Variants in RSL1D1 observed in about 807,000 individuals in gnomAD.
RSL1D1 encodes ribosomal L1 domain containing 1.
RSL1D1 carries 34 observed loss-of-function variants against 44.6 expected under a neutral mutation model. The observed-to-expected ratio is 0.76, with a 90% CI of 0.58 to 1.02. The LOEUF is 1.02. Among genes scored for constraint, RSL1D1 ranks in the 50% least tolerant of loss-of-function variants. The probability of loss-of-function intolerance (pLI) is 0.00; values close to 1 mark genes in which losing one functional copy is unlikely to be tolerated. For synonymous variants in RSL1D1, 271 were observed against 207.4 expected (o/e 1.31, Z -2.63); for missense variants, 767 against 568.1 (o/e 1.35, Z -3.56).
At chr16:11,842,183 T>A (rs908422024) in intron 5 of RSL1D1, among the ~76,000 whole-genome samples, 183 bp from the exon 6 acceptor site, 4 of 152,042 alleles carry the variant, frequency 2.6e-5, no homozygotes, top group African/African-American at 9.7e-5. Context: ...AAAAATTAAC[T>A]GGGCATGGTG....
chr16:11,837,897 G>C lies in RSL1D1; in HGVS notation c.1363C>G (p.Pro455Ala). The C allele has an allele frequency of 1.2e-6, 2 of 1,613,988 alleles. No individual in the cohort carries two copies. The highest frequency in any genetic ancestry group is 1.7e-5 in the Admixed American group (1 of 59,976). Reference sequence around the variant, plus strand: ...AAAAACTTGGCCTCTGGCTTTTTTGGAGTCTGTCTCGCATCTTTTTTCCCC... The same window carrying C: ...AAAAACTTGGCCTCTGGCTTTTTTGCAGTCTGTCTCGCATCTTTTTTCCCC... ...SLGKKDARQTPKKPEAKFFTT... is the reference protein window; with the variant it reads ...SLGKKDARQTAKKPEAKFFTT... Residue 455 changes from proline to alanine, a missense_variant, in exon 9 of 9, where the codon CCA becomes GCA. Physicochemically the swap from Pro to Ala is conservative, Grantham distance 27. Transcript: ENST00000571133.
In RSL1D1 at chr16:11,837,956, T is replaced by G. The variant is rs759239307; in HGVS notation, c.1304A>C (p.Lys435Thr). Residue 435 changes from lysine (K) to threonine (T), a missense_variant, in exon 9 of 9, where the codon AAA (lysine) becomes ACA (threonine). By Grantham distance (78) the Lys-to-Thr change is moderately conservative. Coordinates refer to ENST00000571133, the MANE Select transcript of RSL1D1 (RefSeq NM_015659.3). ...GKSPEKKPKI[K>T]EEAVKEKSPS... ...ACTTTTTTCCTTCACTGCCTCTTCT[T>G]TGATTTTTGGCTTCTTCTCTGGGCT... 2.5e-6 allele frequency: 4 copies of G among 1,614,114 alleles called. No homozygotes were observed. The South Asian group carries it at 4.4e-5, about 18-fold the overall frequency.
chr16:11,843,166 C>T (rs1478683563), intron 5 of RSL1D1, among the ~76,000 whole-genome samples: 1 of 151,134 alleles, frequency 6.6e-6, no homozygotes, highest in East Asian at 2.0e-4. Flanking sequence ...AACTCCCGAC[C>T]TCAGGTGATC....
intron 5 of RSL1D1, among the ~76,000 whole-genome samples, chr16:11,844,789 C>A (rs35404320): frequency 6.6e-6 from 1 of 152,322 alleles, no homozygotes; most frequent in East Asian, 1.9e-4. Flanking sequence ...ATCTCCACAC[C>A]GCAGTCAGCA....
At chr16:11,846,903 T>A in intron 3 of RSL1D1, 60 bp from the exon 4 acceptor site, 1 of 1,427,790 alleles carries the variant, frequency 7.0e-7, no homozygotes, top group East Asian at 2.3e-5. Flanking sequence ...GGAGAAGAAA[T>A]ACTTAGGCAA....
chr16:11,834,266 A>G lies in RSL1D1; in HGVS notation c.*3521T>C, dbSNP rs369574000. 1.3e-5 allele frequency: 2 copies of G among 152,226 alleles called. No homozygotes were observed. The highest frequency in any genetic ancestry group is 1.3e-4 in the Admixed American group (2 of 15,270). The allele number at this position is 152,226 out of a possible 1,614,324, so 9.4% of individuals were successfully genotyped here. ...TAAAAGCGATACATAATCAGTACAA[A>G]CCATATACATACCACCATTTTTCAG... On this transcript the variant is annotated 3_prime_UTR_variant, in exon 9 of 9. Coordinates refer to ENST00000571133, the MANE Select transcript of RSL1D1 (RefSeq NM_015659.3).
At chr16:11,849,275 T>A (rs2053819381) in intron 2 of RSL1D1, 2 of 151,828 alleles carry the variant, frequency 1.3e-5, no homozygotes, top group African/African-American at 2.4e-5. Context: ...CCCAGCTACT[T>A]GGAAGGCTGA....
At position 11,839,242 on chromosome 16, in the gene RSL1D1, T is replaced by G. The variant is rs567381462; in HGVS notation, c.1146+453A>C. Among the ~76,000 whole-genome samples, 6 of 152,140 alleles carry G rather than the reference T, an allele frequency of 3.9e-5. No individual in the cohort carries two copies. In the South Asian group the frequency reaches 8.3e-4, roughly 21 times the overall value. On this transcript the variant is annotated intron_variant, in intron 8 of 8. Transcript: ENST00000571133. ...TTAGCTGGGCATGGTAGTGCGCGCC[T>G]GTAATCCCAGCTACTCGGGAGGCTG...
chr16:11,849,388 TA>T (rs201222878), intron 2 of RSL1D1: 9,154 of 132,414 alleles, frequency 0.069, 334 homozygotes, highest in South Asian at 0.17. Context: ...TCTCGTCTCT[TA>T]AAAAAAAAAA....
chr16:11,846,641 T>C, intron 4 of RSL1D1, 39 bp from the exon 5 acceptor site: 2 of 1,608,280 alleles, frequency 1.2e-6, no homozygotes, highest in East Asian at 2.2e-5. Context: ...ACACAATGCA[T>C]ACACACCTAG....
intron 8 of RSL1D1, 83 bp from the exon 9 acceptor site, chr16:11,838,196 T>C (rs1404137277): frequency 5.2e-6 from 6 of 1,164,268 alleles, no homozygotes; most frequent in Non-Finnish European, 6.0e-6. Context: ...TTTTTATTTG[T>C]ATTTATTTAT....
At chr16:11,850,524 T>G in intron 1 of RSL1D1, 106 bp from the exon 2 acceptor site, 3 of 1,154,892 alleles carry the variant, frequency 2.6e-6, no homozygotes, top group Non-Finnish European at 3.6e-6. Flanking sequence ...TCCCACACCT[T>G]CTATTTTTTC....
chr16:11,842,332 AAAAAAAAACAAAAC>A (rs1807269406), intron 5 of RSL1D1, among the ~76,000 whole-genome samples: 1 of 151,720 alleles, frequency 6.6e-6, no homozygotes, highest in African/African-American at 2.4e-5. Flanking sequence ...CACAGTCTGA[AAAAAAAAACAAAAC>A]AAAAAAACAA....
rs528613101 is a variant in RSL1D1 at position 11,837,592 on chromosome 16, C to T, written c.*195G>A. ...TCTCGATCTCGTTGACCTTGTGATC[C>T]GCCTGCCTCGGCCTCCCAAAGTGCT... On this transcript the variant is annotated 3_prime_UTR_variant, in exon 9 of 9. Transcript: ENST00000571133. The T allele has an allele frequency of 2.0e-4, 106 of 530,764 alleles. No homozygotes were observed. The highest frequency in any genetic ancestry group is 1.3e-3 in the African/African-American group (68 of 51,990). The allele number at this position is 530,764 out of a possible 1,614,324, so 32.9% of individuals were successfully genotyped here.
At chr16:11,846,881 G>T (rs757625092) in intron 3 of RSL1D1, 38 bp from the exon 4 acceptor site, 1 of 1,530,850 alleles carries the variant, frequency 6.5e-7, no homozygotes. Flanking sequence ...AAGAAGTTAG[G>T]AATCTAAACA....
chr16:11,838,546 A>G (rs1441932772), intron 8 of RSL1D1, among the ~76,000 whole-genome samples: 6 of 152,088 alleles, frequency 3.9e-5, no homozygotes, highest in African/African-American at 1.4e-4. Flanking sequence ...GATGACAGAA[A>G]TAAGCTGTAT....
At chr16:11,838,363 A>G (rs1288596519) in intron 8 of RSL1D1, among the ~76,000 whole-genome samples, 1 of 151,734 alleles carries the variant, frequency 6.6e-6, no homozygotes, top group Non-Finnish European at 1.5e-5. Flanking sequence ...GGGTTTCACC[A>G]TGTTAGCCAG....
chr16:11,834,952 G>C lies in RSL1D1; in HGVS notation c.*2835C>G, dbSNP rs1224569585. 1 of 152,076 alleles carries C rather than the reference G, an allele frequency of 6.6e-6. No individual in the cohort carries two copies. Among genetic ancestry groups the C allele is most frequent in the African/African-American group, 2.4e-5 (1 of 41,394 alleles). The allele number at this position is 152,076 out of a possible 1,614,324, so 9.4% of individuals were successfully genotyped here. A position where few individuals can be genotyped will look rare whatever the true frequency, so the allele number is the denominator to read the frequency against. On this transcript the variant is annotated 3_prime_UTR_variant, in exon 9 of 9. Transcript: ENST00000571133. ...ACAGGGAAAACCCATCTCTACGCAA[G>C]ACGTAAAAACTGGCCAGCTGTGATG...
At chr16:11,839,056 C>G (rs553562835) in intron 8 of RSL1D1, among the ~76,000 whole-genome samples, 2 of 151,860 alleles carry the variant, frequency 1.3e-5, no homozygotes, top group African/African-American at 2.4e-5. Flanking sequence ...CAAGGGTTCC[C>G]AGATTCTCTG....
Sources: allele counts gnomAD v4.1 joint callset (sites outside exome capture counted in the v4.1 genomes callset), GRCh38; gene constraint gnomAD v4.1.1; transcripts MANE v1.5; gene names NCBI Gene and HGNC (gene_info 2026-07-23, HGNC 2026-07-21).